Variants in PCDH15 observed in about 807,000 individuals in gnomAD.
The protein encoded by PCDH15 is protocadherin related 15.
Under a neutral mutation model 178.5 loss-of-function variants are expected in PCDH15, and 129 were observed. The observed-to-expected ratio is 0.72, with a 90% CI of 0.63 to 0.84. The LOEUF (loss-of-function observed/expected upper bound fraction) is 0.84. Ranked by LOEUF, PCDH15 falls within the 40% of genes least tolerant of loss-of-function variation. The pLI is 0.00. For missense variants in PCDH15, 2,230 were observed against 2,099.9 expected, an observed-to-expected ratio of 1.06 and a Z score of -1.21; for synonymous variants, 800 against 732.0, an observed-to-expected ratio of 1.09 and a Z score of -1.50.
intron 3 of PCDH15, among the ~76,000 whole-genome samples, chr10:54,489,596 A>G (rs1199415235): frequency 6.6e-6 from 1 of 152,016 alleles, no homozygotes; most frequent in Non-Finnish European, 1.5e-5. Context: ...TGAAATACAT[A>G]CATCATACAC....
In PCDH15 at chr10:55,403,731, A is replaced by C. The variant is rs548647617; in HGVS notation, c.-156+223894T>G. 1.8e-3 allele frequency among the ~76,000 whole-genome samples: 270 copies of C among 152,046 alleles called. 2 individuals are homozygous for C. The highest frequency in any genetic ancestry group is 7.7e-3 in the Admixed American group (118 of 15,234). The stretch of plus-strand genomic sequence containing the variant: ...CTGTTTTTGGTTACAATAGCTTTGT[A>C]GTGTATTTCAATGTCAGATAGTATG... On this transcript the variant is annotated intron_variant, in intron 2 of 5. Transcript: ENST00000613346.
chr10:53,923,502 T>A (rs1489365745), intron 25 of PCDH15, among the ~76,000 whole-genome samples: 1 of 152,244 alleles, frequency 6.6e-6, no homozygotes, highest in Admixed American at 6.5e-5. Context: ...TACATTAAAT[T>A]GAAATGCATG....
chr10:54,123,830 A>G (rs1300831509), intron 15 of PCDH15, among the ~76,000 whole-genome samples: 1 of 152,216 alleles, frequency 6.6e-6, no homozygotes, highest in Non-Finnish European at 1.5e-5. Flanking sequence ...GCCCTAAAAA[A>G]GGAAATTGTG....
At chr10:55,299,919 G>A (rs1457786131) in intron 1 of PCDH15, among the ~76,000 whole-genome samples, 2 of 152,072 alleles carry the variant, frequency 1.3e-5, no homozygotes, top group African/African-American at 4.8e-5. Context: ...CATGAATGCG[G>A]CATGTCACAT....
At chr10:54,015,732 C>T (rs2092719912) in intron 20 of PCDH15, among the ~76,000 whole-genome samples, 1 of 152,074 alleles carries the variant, frequency 6.6e-6, no homozygotes, top group Admixed American at 6.6e-5. Flanking sequence ...CTTCCTTACA[C>T]CATGTACAAA....
rs909912759 is a variant in PCDH15 at position 55,071,165 on chromosome 10, C to A, written c.-80+95411G>T. Among the ~76,000 whole-genome samples, 3 of 152,208 alleles carry A rather than the reference C, an allele frequency of 2.0e-5. No homozygotes were observed. The East Asian group carries it at 5.8e-4, about 29-fold the overall frequency. On this transcript the variant is annotated intron_variant, in intron 2 of 5. Transcript: ENST00000458638. ...AATCATGCCAAATTGTAAAGACCATCGAGGCTACGAAGAAACTGAATCAAC... is the reference window on the plus strand; with the variant it reads ...AATCATGCCAAATTGTAAAGACCATAGAGGCTACGAAGAAACTGAATCAAC...
At chr10:54,061,080 G>C (rs4431928) in intron 18 of PCDH15, among the ~76,000 whole-genome samples, 3 of 151,372 alleles carry the variant, frequency 2.0e-5, no homozygotes, top group Non-Finnish European at 4.4e-5. Flanking sequence ...GAGGGGTCCA[G>C]GACCAGGCCT....
chr10:54,891,259 G>T (rs1018407506), intron 3 of PCDH15, among the ~76,000 whole-genome samples: 1 of 152,068 alleles, frequency 6.6e-6, no homozygotes, highest in South Asian at 2.1e-4. Flanking sequence ...GAAATGCTGA[G>T]AGAAAAAATA....
At chr10:55,499,669 G>A (rs1365056854) in intron 2 of PCDH15, among the ~76,000 whole-genome samples, 2 of 151,502 alleles carry the variant, frequency 1.3e-5, no homozygotes, top group African/African-American at 2.4e-5. Context: ...TAGGAAAGTA[G>A]CCTAAAAAAA....
At chr10:54,753,188 AT>A (rs556937756) in intron 1 of PCDH15, among the ~76,000 whole-genome samples, 50 of 148,272 alleles carry the variant, frequency 3.4e-4, no homozygotes, top group East Asian at 9.9e-4. Context: ...TAGAGACGTG[AT>A]TTTTTTTTTT....
Position 54,185,281 on chromosome 10 carries a change from A to T in PCDH15, c.1306-13T>A. On this transcript the variant is annotated splice_polypyrimidine_tract_variant and intron_variant, in intron 11 of 37. Coordinates refer to ENST00000644397, the MANE Select transcript of PCDH15 (RefSeq NM_001384140.1). ...CTGGGTCTTTTGTCTTTGAAAAAAA[A>T]TGACATCGTTTCAAACGTTGAATAA... is the stretch of plus-strand genomic sequence containing the variant. The T allele has an allele frequency of 6.2e-7, 1 of 1,613,324 alleles. No individual in the cohort carries two copies. Among genetic ancestry groups the T allele is most frequent in the Non-Finnish European group, 8.5e-7 (1 of 1,179,434 alleles).
chr10:54,673,259 T>C (rs937673233), intron 1 of PCDH15, among the ~76,000 whole-genome samples: 1 of 151,788 alleles, frequency 6.6e-6, no homozygotes, highest in Non-Finnish European at 1.5e-5. Context: ...GTGTGTGATG[T>C]TCCCCTCTCT....
At chr10:55,360,889 A>T (rs911562413) in intron 2 of PCDH15, among the ~76,000 whole-genome samples, 4 of 152,012 alleles carry the variant, frequency 2.6e-5, no homozygotes, top group African/African-American at 7.2e-5. Flanking sequence ...AAGCATGAGA[A>T]TGTTCATAGA....
At position 54,369,566 on chromosome 10, in the gene PCDH15, G is replaced by C. The variant is rs1290717487; in HGVS notation, c.319-291C>G. Among the ~76,000 whole-genome samples, 7 of 152,026 alleles carry C rather than the reference G, an allele frequency of 4.6e-5. No individual in the cohort carries two copies. The East Asian group carries it at 9.7e-4, about 21-fold the overall frequency. ...CTTAGAATTGATGGGATTAAACGAA[G>C]TTTGCCCCTCCAAAGATTAAAGAAG... is the stretch of plus-strand genomic sequence containing the variant. On this transcript the variant is annotated intron_variant, in intron 4 of 37. Coordinates refer to ENST00000644397, the MANE Select transcript of PCDH15 (RefSeq NM_001384140.1).
intron 3 of PCDH15, among the ~76,000 whole-genome samples, chr10:54,424,680 TA>T (rs1565239488): frequency 6.6e-6 from 1 of 151,834 alleles, no homozygotes. Context: ...TATGCAGCCA[TA>T]AAAAATGATG....
At chr10:55,590,847 G>A (rs763732312) in intron 2 of PCDH15, among the ~76,000 whole-genome samples, 27 of 151,990 alleles carry the variant, frequency 1.8e-4, no homozygotes, top group African/African-American at 5.1e-4. Context: ...TGCACTCCTA[G>A]TAAGAGGTTT....
At position 54,481,821 on chromosome 10, in the gene PCDH15, A is replaced by T. The variant is rs1340491946; in HGVS notation, c.157+45991T>A. 2.6e-5 allele frequency among the ~76,000 whole-genome samples: 4 copies of T among 151,786 alleles called. No individual in the cohort carries two copies. The Admixed American group carries it at 2.6e-4, about 10-fold the overall frequency. ...TTATTTTTATTTTTCAATAGTTTTTAATTTTTATACAAGCTTTGGTCAGTG... is the reference window on the plus strand; with the variant it reads ...TTATTTTTATTTTTCAATAGTTTTTTATTTTTATACAAGCTTTGGTCAGTG... On this transcript the variant is annotated intron_variant, in intron 3 of 37. Coordinates refer to ENST00000644397, the MANE Select transcript of PCDH15 (RefSeq NM_001384140.1).
Position 54,392,424 on chromosome 10 carries a change from C to G in PCDH15, c.158-13482G>C, listed in dbSNP as rs112612747. 8.2e-3 allele frequency among the ~76,000 whole-genome samples: 1,123 copies of G among 137,614 alleles called. 14 individuals are homozygous for G. The highest frequency in any genetic ancestry group is 0.029 in the African/African-American group (1,062 of 36,928). The allele number at this position is 137,614 out of a possible 152,430, so 90.3% of individuals were successfully genotyped here. Reference sequence around the variant, plus strand: ...TATGTTGCAGTCAGGCTAGATTGTGCCACTGCACTCCAGCCTGGCTTGGGT... The same window carrying G: ...TATGTTGCAGTCAGGCTAGATTGTGGCACTGCACTCCAGCCTGGCTTGGGT... On this transcript the variant is annotated intron_variant, in intron 3 of 37. Transcript: ENST00000644397.
chr10:55,115,203 G>A (rs1016120606), intron 2 of PCDH15, among the ~76,000 whole-genome samples: 1 of 152,022 alleles, frequency 6.6e-6, no homozygotes. Flanking sequence ...AAACTGCCTT[G>A]CTTTTTTCAG....
Sources: allele counts gnomAD v4.1 joint callset (sites outside exome capture counted in the v4.1 genomes callset), GRCh38; gene constraint gnomAD v4.1.1; transcripts MANE v1.5; gene names NCBI Gene and HGNC (gene_info 2026-07-23, HGNC 2026-07-21).